The following PTPRD variants were observed in gnomAD, a reference collection of about 807,000 sequenced individuals.
PTPRD encodes receptor-type tyrosine-protein phosphatase delta.
PTPRD carries 34 observed loss-of-function variants against 214.5 expected under a neutral mutation model. The ratio of observed to expected loss-of-function variants is 0.16; its 90% confidence interval spans 0.12 to 0.21. PTPRD has a LOEUF of 0.21. PTPRD is among the 10% of genes least tolerant of loss of function. The probability of loss-of-function intolerance (pLI) is 1.00; values close to 1 mark genes in which losing one functional copy is unlikely to be tolerated. For synonymous variants in PTPRD, 1,128 were observed against 845.7 expected, an observed-to-expected ratio of 1.33 and a Z score of -5.79; for missense variants, 2,545 against 2,398.7, an observed-to-expected ratio of 1.06 and a Z score of -1.27.
chr9:9,947,384 T>TA (rs2092775005), intron 4 of PTPRD, among the ~76,000 whole-genome samples: 1 of 38,644 alleles, frequency 2.6e-5, no homozygotes, highest in African/African-American at 1.2e-4. Context: ...TTATATATAT[T>TA]TTATATACAT....
intron 5 of PTPRD, among the ~76,000 whole-genome samples, chr9:9,787,191 T>C (rs1296607497): frequency 6.6e-6 from 1 of 151,658 alleles, no homozygotes; most frequent in Non-Finnish European, 1.5e-5. Context: ...TTATTTCTCA[T>C]TTAACTAGAT....
At chr9:10,071,058 T>G (rs1026195095) in intron 3 of PTPRD, among the ~76,000 whole-genome samples, 1 of 152,002 alleles carries the variant, frequency 6.6e-6, no homozygotes, top group African/African-American at 2.4e-5. Flanking sequence ...ATTTAACAAA[T>G]GATGTACAGA....
chr9:9,013,959 G>C (rs1288352588), intron 11 of PTPRD, among the ~76,000 whole-genome samples: 1 of 152,118 alleles, frequency 6.6e-6, no homozygotes, highest in Non-Finnish European at 1.5e-5. Context: ...CTCACTATAA[G>C]ACTGGACTCT....
In PTPRD at chr9:9,742,765, A is replaced by G. The variant is rs142303713; in HGVS notation, c.-325-8194T>C. ...TTAGACACACCTGTTATAAATATCAACTCTTTCCTTCCTCTACTAGCTTCT... is the reference window on the plus strand; with the variant it reads ...TTAGACACACCTGTTATAAATATCAGCTCTTTCCTTCCTCTACTAGCTTCT... On this transcript the variant is annotated intron_variant, in intron 6 of 45. Transcript: ENST00000381196. Among the ~76,000 whole-genome samples the G allele has an allele frequency of 7.2e-5, 11 of 152,212 alleles. No individual in the cohort carries two copies. In the East Asian group the frequency reaches 2.1e-3, roughly 29 times the overall value.
intron 4 of PTPRD, among the ~76,000 whole-genome samples, chr9:9,954,062 G>A (rs577098652): frequency 1.1e-4 from 17 of 151,846 alleles, no homozygotes; most frequent in Non-Finnish European, 1.8e-4. Flanking sequence ...TTTGGGAGGC[G>A]GAGGCAGGTG....
intron 12 of PTPRD, among the ~76,000 whole-genome samples, chr9:8,676,478 GT>G (rs1413542139): frequency 6.6e-6 from 1 of 150,734 alleles, no homozygotes; most frequent in Non-Finnish European, 1.5e-5. Flanking sequence ...CGCCGCCCAG[GT>G]TCAAGCAATT....
At chr9:9,303,871 A>C (rs1426786154) in intron 9 of PTPRD, among the ~76,000 whole-genome samples, 1 of 152,086 alleles carries the variant, frequency 6.6e-6, no homozygotes, top group East Asian at 1.9e-4. Context: ...CCTAAACATA[A>C]AATTCAATAT....
At chr9:9,325,069 G>T (rs993802909) in intron 9 of PTPRD, among the ~76,000 whole-genome samples, 5 of 152,180 alleles carry the variant, frequency 3.3e-5, no homozygotes, top group African/African-American at 1.2e-4. Context: ...TTTGGTACAA[G>T]TACCACGCTG....
intron 3 of PTPRD, among the ~76,000 whole-genome samples, chr9:10,151,890 A>G (rs753753390): frequency 1.5e-4 from 23 of 152,210 alleles, no homozygotes; most frequent in African/African-American, 2.4e-4. Flanking sequence ...GTGTGTATCA[A>G]TAATTTGTAC....
At chr9:9,251,547 A>G (rs1004287872) in intron 9 of PTPRD, among the ~76,000 whole-genome samples, 3 of 152,006 alleles carry the variant, frequency 2.0e-5, no homozygotes, top group African/African-American at 7.2e-5. Context: ...ATTGACCTAC[A>G]GTTGAATGTA....
intron 3 of PTPRD, among the ~76,000 whole-genome samples, chr9:10,271,922 A>C (rs16925631): frequency 0.026 from 3,921 of 152,168 alleles, 166 homozygotes; most frequent in East Asian, 0.21. Flanking sequence ...ATTCTCTTCC[A>C]GTCTATTTTC....
intron 9 of PTPRD, among the ~76,000 whole-genome samples, chr9:9,309,081 A>G (rs1211996993): frequency 1.3e-5 from 2 of 152,156 alleles, no homozygotes; most frequent in African/African-American, 4.8e-5. Context: ...ATGTACAAAT[A>G]AAAATAAAAA....
intron 6 of PTPRD, among the ~76,000 whole-genome samples, chr9:9,759,853 G>A (rs1355945668): frequency 7.9e-5 from 12 of 152,098 alleles, no homozygotes; most frequent in African/African-American, 2.9e-4. Context: ...CACTGTGCCC[G>A]GCCAAGGTCT....
At chr9:9,818,868 A>T (rs1254896707) in intron 5 of PTPRD, among the ~76,000 whole-genome samples, 5 of 146,352 alleles carry the variant, frequency 3.4e-5, no homozygotes, top group African/African-American at 5.0e-5. Flanking sequence ...GTGAGCCAAG[A>T]TTGTGGCACT....
At chr9:9,974,308 C>A (rs1319486024) in intron 4 of PTPRD, among the ~76,000 whole-genome samples, 1 of 152,118 alleles carries the variant, frequency 6.6e-6, no homozygotes, top group African/African-American at 2.4e-5. Flanking sequence ...TACAAGTATG[C>A]ACAGCTGGCT....
intron 5 of PTPRD, among the ~76,000 whole-genome samples, chr9:9,810,997 G>A (rs1269063485): frequency 6.6e-6 from 1 of 151,986 alleles, no homozygotes; most frequent in East Asian, 1.9e-4. Flanking sequence ...CAACACTTTG[G>A]GAGGCCTAGA....
At chr9:8,611,115 T>G (rs2095430576) in intron 14 of PTPRD, among the ~76,000 whole-genome samples, 1 of 152,222 alleles carries the variant, frequency 6.6e-6, no homozygotes, top group Non-Finnish European at 1.5e-5. Context: ...TTATAATCAC[T>G]AAAATAGATG....
At chr9:9,473,375 G>A (rs1468247178) in intron 8 of PTPRD, among the ~76,000 whole-genome samples, 1 of 152,106 alleles carries the variant, frequency 6.6e-6, no homozygotes, top group Non-Finnish European at 1.5e-5. Context: ...GGCATCTGTT[G>A]ATGAACATTT....
Position 9,283,051 on chromosome 9 carries a change from C to T in PTPRD, c.-202-99688G>A, listed in dbSNP as rs117434356. 7.3e-3 allele frequency among the ~76,000 whole-genome samples: 1,112 copies of T among 151,456 alleles called. 9 individuals carry two copies. Among genetic ancestry groups the T allele is most frequent in the Middle Eastern group, 0.017 (5 of 294 alleles). On this transcript the variant is annotated intron_variant, in intron 9 of 45. Coordinates refer to ENST00000381196, the MANE Select transcript of PTPRD (RefSeq NM_002839.4). ...AATGGAGTGAAGGTATCTCAATCTT[C>T]CCCTAAACTTGGTGTGATAACCAAA...
Sources: allele counts gnomAD v4.1 joint callset (sites outside exome capture counted in the v4.1 genomes callset), GRCh38; gene constraint gnomAD v4.1.1; transcripts MANE v1.5; gene names NCBI Gene and HGNC (gene_info 2026-07-23, HGNC 2026-07-21).